PLXNA4: variants seen among roughly 807,000 people sequenced by gnomAD.
PLXNA4 encodes the protein plexin A4.
PLXNA4 carries 44 observed loss-of-function variants against 191.8 expected under a neutral mutation model. The ratio of observed to expected loss-of-function variants is 0.23; its 90% CI spans 0.18 to 0.29. The LOEUF is 0.29. Among genes scored for constraint, PLXNA4 ranks in the 10% least tolerant of loss-of-function variants. The pLI is 1.00. For missense variants in PLXNA4, 1,800 were observed against 2,488.8 expected (o/e 0.72, Z 5.89); for synonymous variants, 1,082 against 1,009.5 (o/e 1.07, Z -1.36).
intron 1 of PLXNA4, among the ~76,000 whole-genome samples, chr7:132,567,542 T>G (rs1290974525): frequency 6.6e-6 from 1 of 152,134 alleles, no homozygotes; most frequent in Admixed American, 6.6e-5. Context: ...TGCTGCAGAG[T>G]AAGAACCCAC....
chr7:132,579,879 AT>A (rs112989830), upstream of PLXNA4, among the ~76,000 whole-genome samples: 285 of 148,134 alleles, frequency 1.9e-3, 3 homozygotes, highest in Middle Eastern at 7.0e-3. Context: ...GCAGTAGAGG[AT>A]TTTTTTTTTT....
At chr7:132,195,176 T>C (rs1232059797) in intron 13 of PLXNA4, among the ~76,000 whole-genome samples, 1 of 144,876 alleles carries the variant, frequency 6.9e-6, no homozygotes, top group Non-Finnish European at 1.6e-5. Context: ...AGGAAAGATA[T>C]ATGTGTTTTT....
chr7:132,168,248 C>T (rs1052773524), intron 22 of PLXNA4, 56 bp downstream of exon 22: 32 of 1,466,210 alleles, frequency 2.2e-5, no homozygotes, highest in South Asian at 1.2e-4. Context: ...CTGCAAGGCA[C>T]GGTGAGCCAG....
At chr7:132,185,766 T>C (rs1459833580) in intron 15 of PLXNA4, among the ~76,000 whole-genome samples, 2 of 152,236 alleles carry the variant, frequency 1.3e-5, no homozygotes, top group Non-Finnish European at 2.9e-5. Context: ...ATACTTGACA[T>C]CTGATCACCC....
intron 3 of PLXNA4, among the ~76,000 whole-genome samples, chr7:132,372,238 T>A (rs1272812452): frequency 6.6e-6 from 1 of 152,192 alleles, no homozygotes; most frequent in Non-Finnish European, 1.5e-5. Flanking sequence ...AATTTTCCAA[T>A]CCAAAAGAAG....
upstream of PLXNA4, among the ~76,000 whole-genome samples, chr7:132,579,193 C>T (rs1410285460): frequency 2.0e-5 from 3 of 152,050 alleles, no homozygotes; most frequent in Non-Finnish European, 2.9e-5. Context: ...AGTGACAGCC[C>T]GGATAGCCCC....
intron 1 of PLXNA4, among the ~76,000 whole-genome samples, chr7:132,562,643 T>TCTC (rs771030469): frequency 4.3e-5 from 2 of 46,242 alleles, no homozygotes; most frequent in Non-Finnish European, 8.1e-5. Context: ...TCCTCCTCTT[T>TCTC]CTCCTCCTCC....
At chr7:132,378,201 GT>G (rs1031345015) in intron 3 of PLXNA4, among the ~76,000 whole-genome samples, 1 of 152,200 alleles carries the variant, frequency 6.6e-6, no homozygotes, top group African/African-American at 2.4e-5. Flanking sequence ...GCAGCTTGGT[GT>G]TTCATGCTGC....
At chr7:132,503,868 A>C (rs994729614) in intron 2 of PLXNA4, among the ~76,000 whole-genome samples, 2 of 152,166 alleles carry the variant, frequency 1.3e-5, no homozygotes, top group African/African-American at 4.8e-5. Flanking sequence ...TTCAGATACT[A>C]ACCCACTTGT....
chr7:132,583,083 G>T (rs763789788), intron 2 of PLXNA4, among the ~76,000 whole-genome samples: 1 of 152,184 alleles, frequency 6.6e-6, no homozygotes, highest in African/African-American at 2.4e-5. Flanking sequence ...ATGGGCCATC[G>T]TCAGTTCAGT....
chr7:132,645,801 G>A (rs1343980880), intron 2 of PLXNA4: 1 of 152,512 alleles, frequency 6.6e-6, no homozygotes, highest in East Asian at 1.9e-4. Context: ...ATCAAGGGAA[G>A]CGAAAGCAGT....
At chr7:132,373,269 A>G (rs544130937) in intron 3 of PLXNA4, among the ~76,000 whole-genome samples, 1 of 152,256 alleles carries the variant, frequency 6.6e-6, no homozygotes, top group South Asian at 2.1e-4. Flanking sequence ...GCAACCAGGG[A>G]TGCCAAGTAC....
At chr7:132,645,125 A>G (rs1285712090) in intron 2 of PLXNA4, among the ~76,000 whole-genome samples, 1 of 152,052 alleles carries the variant, frequency 6.6e-6, no homozygotes, top group East Asian at 1.9e-4. Context: ...CCCATTAAGA[A>G]CCTACAATGT....
intron 1 of PLXNA4, among the ~76,000 whole-genome samples, chr7:132,562,615 T>C: frequency 8.4e-6 from 1 of 118,690 alleles, no homozygotes; most frequent in African/African-American, 3.6e-5. Flanking sequence ...CTCCTTCTCC[T>C]CCTCTTCCTC....
intron 10 of PLXNA4, among the ~76,000 whole-genome samples, chr7:132,205,739 CTCTG>C (rs1797595342): frequency 7.2e-5 from 11 of 152,192 alleles, no homozygotes; most frequent in Non-Finnish European, 2.9e-5. Flanking sequence ...GCAGGCTGAG[CTCTG>C]ACCTGTAGGA....
At chr7:132,648,681 C>T (rs1300973074) in exon 1 of PLXNA4, 1 of 152,140 alleles carries the variant, frequency 6.6e-6, no homozygotes, top group African/African-American at 2.4e-5. Flanking sequence ...ATGTGGTCTG[C>T]ATCTCATGAT....
At chr7:132,531,743 C>T (rs144931372) in intron 1 of PLXNA4, among the ~76,000 whole-genome samples, 20 of 152,334 alleles carry the variant, frequency 1.3e-4, no homozygotes, top group African/African-American at 2.2e-4. Context: ...GGTTCTCTCA[C>T]TTAACGATGC....
At chr7:132,333,920 C>T (rs1396868227) in intron 3 of PLXNA4, among the ~76,000 whole-genome samples, 1 of 152,194 alleles carries the variant, frequency 6.6e-6, no homozygotes, top group Non-Finnish European at 1.5e-5. Flanking sequence ...GAAAACTTAC[C>T]TTCCTCTCCG....
Position 132,576,261 on chromosome 7 carries a change from G to T in PLXNA4, c.-87+161C>A, listed in dbSNP as rs1291190674. The stretch of plus-strand genomic sequence containing the variant: ...ACGTGGGCAGGTGCGCGAGCGCCGT[G>T]TGTGCCGGTGTGGATCTGTGTGTGT... On this transcript the variant is annotated intron_variant, in intron 1 of 31. Transcript: ENST00000321063. The surrounding 1 kb of genome is among the most constrained non-coding windows in gnomAD (Gnocchi z 5.8). Among the ~76,000 whole-genome samples the T allele has an allele frequency of 6.6e-6, 1 of 152,138 alleles. No homozygotes were observed. The highest frequency in any genetic ancestry group is 1.5e-5 in the Non-Finnish European group (1 of 68,018).
Sources: gnomAD v4.1 joint callset for allele counts (sites outside exome capture counted in the v4.1 genomes callset) on GRCh38, gnomAD v4.1.1 for gene constraint, Gnocchi (gnomAD v3.1) non-coding constraint, MANE v1.5 for transcripts, NCBI Gene and HGNC (gene_info 2026-07-23, HGNC 2026-07-21) for gene names.